PTPRN2: variants seen among roughly 807,000 people sequenced by gnomAD.
The protein encoded by PTPRN2 is receptor-type tyrosine-protein phosphatase N2.
Under a neutral mutation model 118.8 loss-of-function variants are expected in PTPRN2, and 74 were observed. That is an observed-to-expected ratio of 0.62 (90% CI 0.52 to 0.76). The LOEUF (loss-of-function observed/expected upper bound fraction) is 0.76, where lower values mean the gene tolerates loss of function less well. Among genes scored for constraint, PTPRN2 ranks in the 30% least tolerant of loss-of-function variants. The probability of loss-of-function intolerance (pLI) is 0.00; values close to 1 mark genes in which losing one functional copy is unlikely to be tolerated. For missense variants in PTPRN2, 1,481 were observed against 1,394.4 expected (o/e 1.06, Z -0.99); for synonymous variants, 641 against 608.0 (o/e 1.05, Z -0.80).
chr7:157,922,500 G>A (rs1798742051), intron 11 of PTPRN2, among the ~76,000 whole-genome samples: 1 of 152,222 alleles, frequency 6.6e-6, no homozygotes, highest in Non-Finnish European at 1.5e-5. Flanking sequence ...AATTGGAATT[G>A]CATTGAAAAT....
At chr7:157,985,523 AAG>A (rs1427454034) in intron 11 of PTPRN2, among the ~76,000 whole-genome samples, 1 of 152,224 alleles carries the variant, frequency 6.6e-6, no homozygotes, top group Non-Finnish European at 1.5e-5. Flanking sequence ...ATGGGAAAGA[AAG>A]AGAAGATACT....
chr7:158,192,724 G>A (rs1306418697), intron 4 of PTPRN2, among the ~76,000 whole-genome samples: 2 of 152,196 alleles, frequency 1.3e-5, no homozygotes, highest in Non-Finnish European at 1.5e-5. Flanking sequence ...GGGGATGGAC[G>A]ATTGACCCCT....
At chr7:158,139,493 G>C (rs550391238) in intron 6 of PTPRN2, among the ~76,000 whole-genome samples, 1 of 141,782 alleles carries the variant, frequency 7.1e-6, no homozygotes, top group Non-Finnish European at 1.5e-5. Context: ...AGGAGGGCAC[G>C]GGGGGGTGGG....
chr7:158,024,977 T>A (rs1368839156), intron 11 of PTPRN2, among the ~76,000 whole-genome samples: 1 of 152,204 alleles, frequency 6.6e-6, no homozygotes, highest in African/African-American at 2.4e-5. Flanking sequence ...TGCTTGATTG[T>A]GGGCAGTGGG....
chr7:158,236,258 G>T (rs1829534014), intron 3 of PTPRN2, among the ~76,000 whole-genome samples: 1 of 152,194 alleles, frequency 6.6e-6, no homozygotes, highest in African/African-American at 2.4e-5. Flanking sequence ...GCTACGTGGT[G>T]CCTGCCACAC....
chr7:158,092,641 A>G (rs1353543013), intron 10 of PTPRN2, among the ~76,000 whole-genome samples: 1 of 152,190 alleles, frequency 6.6e-6, no homozygotes. Flanking sequence ...AGTCAGTATT[A>G]TGTTCAGAGA....
At chr7:158,066,404 AG>A in intron 11 of PTPRN2, among the ~76,000 whole-genome samples, 1 of 152,344 alleles carries the variant, frequency 6.6e-6, no homozygotes, top group South Asian at 2.1e-4. Context: ...TGGCTACCCC[AG>A]GCTCTCTCTG....
At chr7:158,070,133 A>C (rs1278375323) in intron 11 of PTPRN2, among the ~76,000 whole-genome samples, 1 of 152,246 alleles carries the variant, frequency 6.6e-6, no homozygotes. Flanking sequence ...TTGGTGCCTA[A>C]TCCATGGGGC....
rs1342034783 is a variant in PTPRN2 at position 157,598,921 on chromosome 7, CCA to C, written c.2419-3608_2419-3607del. Among the ~76,000 whole-genome samples, 4 of 152,190 alleles carry C rather than the reference CCA, an allele frequency of 2.6e-5. No homozygotes were observed. The highest frequency in any genetic ancestry group is 7.2e-5 in the African/African-American group (3 of 41,440). On this transcript the variant is annotated intron_variant, in intron 16 of 22. Coordinates refer to ENST00000389418, the MANE Select transcript of PTPRN2 (RefSeq NM_002847.5). The surrounding 1 kb of genome is among the most constrained non-coding windows in gnomAD (Gnocchi z 5.2). The stretch of plus-strand genomic sequence containing the variant: ...CACATCCCGCCTAGAGAGGCCGGTA[CCA>C]CAGAGAATCCAGTGTGACTCACTCC...
intron 5 of PTPRN2, among the ~76,000 whole-genome samples, chr7:158,172,646 C>T (rs2150622032): frequency 6.6e-6 from 1 of 150,954 alleles, no homozygotes; most frequent in Non-Finnish European, 1.5e-5. Context: ...CCATCACCAT[C>T]CCACCATCCA....
intron 11 of PTPRN2, chr7:158,029,327 T>A (rs1807521486): frequency 6.6e-6 from 1 of 152,254 alleles, no homozygotes; most frequent in Non-Finnish European, 1.5e-5. Flanking sequence ...TCCCTTAAAC[T>A]TAAGGCCAAT....
At chr7:158,373,860 G>A (rs1810290620) in intron 2 of PTPRN2, among the ~76,000 whole-genome samples, 1 of 149,636 alleles carries the variant, frequency 6.7e-6, no homozygotes, top group African/African-American at 2.6e-5. Flanking sequence ...TGGGAGTGTG[G>A]GGAGGGCCCT....
intron 2 of PTPRN2, among the ~76,000 whole-genome samples, chr7:158,411,029 C>T (rs546864697): frequency 6.6e-6 from 1 of 151,726 alleles, no homozygotes; most frequent in Non-Finnish European, 1.5e-5. Flanking sequence ...CACAGAGATC[C>T]GGACAGGCTG....
intron 2 of PTPRN2, among the ~76,000 whole-genome samples, chr7:158,394,018 C>T (rs1467454635): frequency 6.6e-6 from 1 of 151,792 alleles, no homozygotes; most frequent in East Asian, 1.9e-4. Context: ...AATGTCCCAC[C>T]CCCATGGACA....
chr7:158,431,504 ACAC>A (rs1685170226), intron 2 of PTPRN2, among the ~76,000 whole-genome samples: 1 of 147,556 alleles, frequency 6.8e-6, no homozygotes, highest in African/African-American at 2.5e-5. Context: ...CACTGGGCTC[ACAC>A]CAGACACACA....
rs1826908563 is a variant in PTPRN2, at chr7:158,555,400, C to T, written c.112+32158G>A. ...AGCAGCATCCACGGCTCAGTGGTGCCCCTCGCCCCCACCGCTCTGCCCTGC... is the reference window on the plus strand; with the variant it reads ...AGCAGCATCCACGGCTCAGTGGTGCTCCTCGCCCCCACCGCTCTGCCCTGC... On this transcript the variant is annotated intron_variant, in intron 1 of 22. Transcript: ENST00000389418. The surrounding 1 kb of genome is among the most constrained non-coding windows in gnomAD (Gnocchi z 4.7). Among the ~76,000 whole-genome samples, 2 of 152,120 alleles carry T rather than the reference C, an allele frequency of 1.3e-5. 1 individual carries two copies. Among genetic ancestry groups the T allele is most frequent in the South Asian group, 4.1e-4 (2 of 4,820 alleles).
chr7:158,326,099 C>A lies in PTPRN2; in HGVS notation c.164-9167G>T, dbSNP rs529316873. On this transcript the variant is annotated intron_variant, in intron 2 of 22. Coordinates refer to ENST00000389418, the MANE Select transcript of PTPRN2 (RefSeq NM_002847.5). ...ACATCCAGGGCCCCACAGGCCATAC[C>A]CGCCGCAGGTCTTGAGTCTGGCAGC... Among the ~76,000 whole-genome samples, 9 of 152,342 alleles carry A rather than the reference C, an allele frequency of 5.9e-5. No homozygotes were observed. In the East Asian group the frequency reaches 1.7e-3, roughly 29 times the overall value.
intron 11 of PTPRN2, among the ~76,000 whole-genome samples, chr7:158,018,977 A>AAAAAAAAAAAAAAAG: frequency 6.7e-6 from 1 of 150,042 alleles, no homozygotes; most frequent in African/African-American, 2.4e-5. Flanking sequence ...AAAAAAAAAA[A>AAAAAAAAAAAAAAAG]AAAAAAAAAA....
rs373924414 is a variant in PTPRN2 at position 157,898,763 on chromosome 7, A to C, written c.1724-26T>G. ...CTGTTAGGAAAAATCAGAAAGCACA[A>C]GAGTCAGGTTGGAGAGGTCCTCAGT... On this transcript the variant is annotated intron_variant, in intron 11 of 22. Coordinates refer to ENST00000389418, the MANE Select transcript of PTPRN2 (RefSeq NM_002847.5). 3.8e-6 allele frequency: 6 copies of C among 1,568,624 alleles called. No individual in the cohort carries two copies. The African/African-American group carries it at 4.1e-5, about 11-fold the overall frequency.
Sources: gnomAD v4.1 joint callset for allele counts (sites outside exome capture counted in the v4.1 genomes callset) on GRCh38, gnomAD v4.1.1 for gene constraint, Gnocchi (gnomAD v3.1) non-coding constraint, MANE v1.5 for transcripts, NCBI Gene and HGNC (gene_info 2026-07-23, HGNC 2026-07-21) for gene names.